The following PAK5 variants were observed in gnomAD, a reference collection of about 807,000 sequenced individuals.
PAK5 encodes the protein p21 (RAC1) activated kinase 5.
PAK5 carries 16 observed loss-of-function variants against 65.9 expected under a neutral mutation model. That is an observed-to-expected ratio of 0.24 (90% CI 0.16 to 0.37). The LOEUF (loss-of-function observed/expected upper bound fraction) is 0.37, where lower values mean the gene tolerates loss of function less well. Ranked by LOEUF, PAK5 falls within the 10% of genes least tolerant of loss-of-function variation. The pLI, the probability that PAK5 is intolerant of heterozygous loss-of-function variation, is 1.00. For synonymous variants in PAK5, 371 were observed against 354.9 expected (o/e 1.05, Z -0.51); for missense variants, 785 against 903.9 (o/e 0.87, Z 1.69).
chr20:9,715,731 T>G (rs2048137270), intron 1 of PAK5, among the ~76,000 whole-genome samples: 1 of 151,858 alleles, frequency 6.6e-6, no homozygotes, highest in Admixed American at 6.6e-5. Context: ...AAAGGATGAG[T>G]TCATGTCCTT....
intron 4 of PAK5, among the ~76,000 whole-genome samples, chr20:9,573,732 G>A (rs7263099): frequency 0.16 from 23,936 of 152,100 alleles, 2,757 homozygotes; most frequent in African/African-American, 0.32. Context: ...GGGGGCCGTG[G>A]CTGGAGCGTG....
intron 2 of PAK5, among the ~76,000 whole-genome samples, chr20:9,687,621 AC>A (rs1354684596): frequency 9.2e-5 from 14 of 152,176 alleles, no homozygotes; most frequent in African/African-American, 2.7e-4. Flanking sequence ...ACATAGAAAT[AC>A]ATGGTGATTT....
chr20:9,653,206 G>C (rs1366841566), intron 2 of PAK5, among the ~76,000 whole-genome samples: 1 of 152,156 alleles, frequency 6.6e-6, no homozygotes, highest in East Asian at 1.9e-4. Context: ...TAATAGCAAA[G>C]AGAAAATCAT....
chr20:9,727,524 A>G (rs966977934), intron 1 of PAK5, among the ~76,000 whole-genome samples: 1 of 152,108 alleles, frequency 6.6e-6, no homozygotes, highest in South Asian at 2.1e-4. Context: ...CTGTCAGTAG[A>G]TTGTGTCTGC....
intron 3 of PAK5, among the ~76,000 whole-genome samples, chr20:9,626,192 C>T (rs1247888511): frequency 1.3e-5 from 2 of 151,980 alleles, no homozygotes; most frequent in Non-Finnish European, 2.9e-5. Context: ...AAAATTATGG[C>T]ACATCTGTAG....
At chr20:9,816,375 G>A (rs926528847) in intron 1 of PAK5, among the ~76,000 whole-genome samples, 2 of 152,250 alleles carry the variant, frequency 1.3e-5, no homozygotes, top group South Asian at 2.1e-4. Context: ...TGACTGGATC[G>A]CAGAATGCCC....
In PAK5 at chr20:9,633,750, C is replaced by T. The variant is rs181120094; in HGVS notation, c.204+10375G>A. 7.2e-3 allele frequency among the ~76,000 whole-genome samples: 1,099 copies of T among 152,330 alleles called. 7 individuals are homozygous for T. Among genetic ancestry groups the T allele is most frequent in the South Asian group, 0.021 (100 of 4,828 alleles). On this transcript the variant is annotated intron_variant, in intron 3 of 9. Transcript: ENST00000353224. ...ATGCGGTCCCTGTGTGGGTTCTTCT[C>T]TATCACTTCCTCCCAGGAGTTACAG...
chr20:9,644,558 C>T (rs1202714260), intron 2 of PAK5, among the ~76,000 whole-genome samples: 1 of 152,018 alleles, frequency 6.6e-6, no homozygotes, highest in African/African-American at 2.4e-5. Flanking sequence ...GATGATAGTT[C>T]CCTGCCCCAT....
At chr20:9,740,443 C>T (rs2123583200) in intron 1 of PAK5, among the ~76,000 whole-genome samples, 1 of 152,142 alleles carries the variant, frequency 6.6e-6, no homozygotes, top group East Asian at 1.9e-4. Flanking sequence ...CCATCATTCA[C>T]CCTCCTTTTA....
intron 3 of PAK5, among the ~76,000 whole-genome samples, chr20:9,614,882 C>T (rs745618129): frequency 3.9e-5 from 6 of 152,028 alleles, no homozygotes; most frequent in Non-Finnish European, 5.9e-5. Context: ...ATCTACATAA[C>T]AAAAGAAAGA....
chr20:9,749,873 C>T (rs943159422), intron 1 of PAK5, among the ~76,000 whole-genome samples: 5 of 152,160 alleles, frequency 3.3e-5, no homozygotes, highest in Non-Finnish European at 5.9e-5. Context: ...TTCCATATCT[C>T]CTTGCTGACC....
At chr20:9,708,586 C>A (rs1451015592) in intron 2 of PAK5, among the ~76,000 whole-genome samples, 2 of 152,084 alleles carry the variant, frequency 1.3e-5, no homozygotes, top group African/African-American at 4.8e-5. Flanking sequence ...GGTGCTCTAT[C>A]CTCATCTCAT....
intron 1 of PAK5, among the ~76,000 whole-genome samples, chr20:9,772,902 T>C (rs964745749): frequency 1.3e-5 from 2 of 152,182 alleles, no homozygotes; most frequent in African/African-American, 2.4e-5. Flanking sequence ...CACATGTTGG[T>C]TGAAAAATAT....
intron 2 of PAK5, among the ~76,000 whole-genome samples, chr20:9,681,434 C>T (rs1333442979): frequency 1.3e-5 from 2 of 152,022 alleles, no homozygotes; most frequent in African/African-American, 2.4e-5. Flanking sequence ...AAAGATGTTT[C>T]CCCCAACTTG....
At chr20:9,578,762 G>A (rs1419023521) in intron 4 of PAK5, among the ~76,000 whole-genome samples, 1 of 152,058 alleles carries the variant, frequency 6.6e-6, no homozygotes, top group Non-Finnish European at 1.5e-5. Context: ...GATTTTGCTT[G>A]TGGTTAATTA....
At chr20:9,801,380 T>C (rs898952408) in intron 1 of PAK5, among the ~76,000 whole-genome samples, 1 of 151,666 alleles carries the variant, frequency 6.6e-6, no homozygotes, top group African/African-American at 2.4e-5. Context: ...TTTATAGATT[T>C]TTTTTCCCAA....
chr20:9,661,117 GT>G (rs1192110501), intron 2 of PAK5, among the ~76,000 whole-genome samples: 3 of 151,798 alleles, frequency 2.0e-5, no homozygotes, highest in Non-Finnish European at 2.9e-5. Flanking sequence ...CAGGGCTTTG[GT>G]TTTTTTTCTC....
chr20:9,566,523 G>T, intron 4 of PAK5, 139 bp from the exon 5 acceptor site: 2 of 799,228 alleles, frequency 2.5e-6, no homozygotes, highest in Non-Finnish European at 4.1e-6. Flanking sequence ...GGCACCAACA[G>T]GACCGGCCAC....
intron 1 of PAK5, among the ~76,000 whole-genome samples, chr20:9,769,892 G>A (rs1356740164): frequency 6.6e-6 from 1 of 152,118 alleles, no homozygotes; most frequent in East Asian, 1.9e-4. Context: ...AACTAAATAT[G>A]GTACAAAGAA....
Sources: allele counts gnomAD v4.1 joint callset (sites outside exome capture counted in the v4.1 genomes callset), GRCh38; gene constraint gnomAD v4.1.1; transcripts MANE v1.5; gene names NCBI Gene and HGNC (gene_info 2026-07-23, HGNC 2026-07-21).